Variants in C6 observed in about 807,000 individuals in gnomAD.
C6 encodes complement C6.
In C6, 101 loss-of-function variants were observed where a neutral mutation model predicts 112.9. The observed-to-expected ratio is 0.89, with a 90% CI of 0.76 to 1.06. C6 has a LOEUF of 1.06. C6 is among the 50% of genes least tolerant of loss of function. C6 has a pLI of 0.00. For missense variants in C6, 1,202 were observed against 1,104.6 expected, an observed-to-expected ratio of 1.09 and a Z score of -1.25; for synonymous variants, 431 against 384.1, an observed-to-expected ratio of 1.12 and a Z score of -1.43.
chr5:41,218,755 G>A (rs1453941378), intron 1 of C6, among the ~76,000 whole-genome samples: 1 of 152,108 alleles, frequency 6.6e-6, no homozygotes, highest in Non-Finnish European at 1.5e-5. Flanking sequence ...TTTAAACACA[G>A]TGTGAAGCTT....
rs758224260 is a variant in C6, at chr5:41,195,854, C to T, written c.525G>A (p.Arg175=). The change falls in exon 5 of 18, where the codon AGG becomes AGA. Residue 175 remains arginine (R), a synonymous_variant. Coordinates refer to ENST00000337836, the MANE Select transcript of C6 (RefSeq NM_000065.5). ...ACTTCCGTGTGCATACTGCCTTTGT[C>T]CTCCCACAGTCCCTTTCATCTGAAT... is the stretch of plus-strand genomic sequence containing the variant. ...GDNSDERDCG[R]TKAVCTRKYN... 6.2e-7 allele frequency: 1 copy of T among 1,614,024 alleles called. No individual in the cohort carries two copies. Among genetic ancestry groups the T allele is most frequent in the Admixed American group, 1.7e-5 (1 of 60,012 alleles).
intron 17 of C6, among the ~76,000 whole-genome samples, chr5:41,143,781 C>T (rs1580008838): frequency 6.6e-6 from 1 of 152,108 alleles, no homozygotes; most frequent in Admixed American, 6.6e-5. Context: ...TTGGGTTATG[C>T]CTGGGGATCT....
intron 11 of C6, 44 bp downstream of exon 11, chr5:41,160,098 G>A (rs767855630): frequency 6.8e-7 from 1 of 1,470,902 alleles, no homozygotes; most frequent in Non-Finnish European, 9.5e-7. Flanking sequence ...ATACTCTTTG[G>A]AGGGGAAAAC....
chr5:41,210,231 G>T (rs1156599415), intron 1 of C6, among the ~76,000 whole-genome samples: 1 of 152,192 alleles, frequency 6.6e-6, no homozygotes, highest in Non-Finnish European at 1.5e-5. Context: ...ATGGATTAAA[G>T]ACTTAAATGC....
At position 41,188,602 on chromosome 5, in the gene C6, T is replaced by A. The variant is rs79405489; in HGVS notation, c.588-2394A>T. On this transcript the variant is annotated intron_variant, in intron 5 of 17. Coordinates refer to ENST00000337836, the MANE Select transcript of C6 (RefSeq NM_000065.5). ...AATGAAATTGGGCCCCTTTCTCACA[T>A]AATGCAAAAAAATTAATCAAAATAG... Among the ~76,000 whole-genome samples, 274 of 152,118 alleles carry A rather than the reference T, an allele frequency of 1.8e-3. 8 individuals are homozygous for A. In the East Asian group the frequency reaches 0.051, roughly 28 times the overall value.
chr5:41,154,069 C>G, intron 14 of C6, 71 bp from the exon 15 acceptor site: 1 of 1,355,170 alleles, frequency 7.4e-7, no homozygotes, highest in Non-Finnish European at 1.1e-6. Flanking sequence ...AAATTTTGTG[C>G]AACCAAAGAG....
At chr5:41,240,379 C>T (rs1017220039) in intron 1 of C6, among the ~76,000 whole-genome samples, 4 of 152,090 alleles carry the variant, frequency 2.6e-5, no homozygotes, top group African/African-American at 9.7e-5. Context: ...AGGTGGCTTT[C>T]TTGGGTGCCA....
rs1747236029 is a variant in C6 at position 41,159,232 on chromosome 5, C to G, written c.1706G>C (p.Gly569Ala). 1.9e-6 allele frequency: 3 copies of G among 1,613,288 alleles called. No homozygotes were observed. Among genetic ancestry groups the G allele is most frequent in the Non-Finnish European group, 1.7e-6 (2 of 1,179,604 alleles). ...ACAGGTACTCCAGGAAGACCAACAA[C>G]CCCACTGTCCGTCTACTGCATCTGG... ...YKSNAVDGQW[G>A]CWSSWSTCDA... Residue 569 changes from glycine to alanine, a missense_variant, in exon 12 of 18, where the codon GGT becomes GCT. Transcript: ENST00000337836.
chr5:41,199,040 C>T (rs1371877495), intron 4 of C6, among the ~76,000 whole-genome samples: 3 of 152,118 alleles, frequency 2.0e-5, no homozygotes, highest in Admixed American at 6.6e-5. Flanking sequence ...AACCCTGACC[C>T]CAGCATTCCT....
chr5:41,260,270 A>T (rs1741964610), intron 1 of C6, among the ~76,000 whole-genome samples: 1 of 151,240 alleles, frequency 6.6e-6, no homozygotes, highest in East Asian at 1.9e-4. Flanking sequence ...CAAACACACC[A>T]CACACACACA....
intron 1 of C6, among the ~76,000 whole-genome samples, chr5:41,251,866 A>G (rs1447012893): frequency 1.3e-5 from 2 of 152,178 alleles, no homozygotes; most frequent in East Asian, 3.9e-4. Flanking sequence ...ATCTGTGGTT[A>G]GAAACATGAA....
At chr5:41,219,417 C>T (rs543491715) in intron 1 of C6, among the ~76,000 whole-genome samples, 12 of 152,036 alleles carry the variant, frequency 7.9e-5, no homozygotes, top group Admixed American at 2.0e-4. Context: ...CTGTATTGAG[C>T]GCCCTTTGTT....
intron 5 of C6, among the ~76,000 whole-genome samples, chr5:41,191,241 A>G (rs879290497): frequency 6.6e-6 from 1 of 151,356 alleles, no homozygotes; most frequent in African/African-American, 2.4e-5. Flanking sequence ...TAATTTTTGT[A>G]TTTTTAGTAG....
intron 1 of C6, among the ~76,000 whole-genome samples, chr5:41,224,153 A>G (rs1001651494): frequency 6.6e-6 from 1 of 152,150 alleles, no homozygotes; most frequent in East Asian, 1.9e-4. Context: ...CATATCTATT[A>G]CCTCACATAC....
rs773270656 is a variant in C6 at position 41,199,834 on chromosome 5, A to G, written c.379T>C (p.Cys127Arg). ...CTAPLVAFQP[C>R]IPSKLCKIEE... is the part of the protein sequence containing the mutation. ...ATTTTGCAGAGCTTAGATGGAATGC[A>G]TGGTTGAAAGGCTACCAGAGGCGCA... The change falls in exon 4 of 18, where the codon TGC (cysteine) becomes CGC (arginine). Residue 127 changes from cysteine to arginine, a missense_variant. By Grantham distance (180) the Cys-to-Arg change is radical. Coordinates refer to ENST00000337836, the MANE Select transcript of C6 (RefSeq NM_000065.5). 7 of 1,613,678 alleles carry G rather than the reference A, an allele frequency of 4.3e-6. No homozygotes were observed. Among genetic ancestry groups the G allele is most frequent in the Admixed American group, 1.7e-5 (1 of 59,970 alleles).
At chr5:41,178,917 G>A (rs113259257) in intron 7 of C6, among the ~76,000 whole-genome samples, 2,257 of 150,984 alleles carry the variant, frequency 0.015, 58 homozygotes, top group African/African-American at 0.052. Flanking sequence ...ACAGTGGTGC[G>A]ATCTCCGCTC....
upstream of C6, among the ~76,000 whole-genome samples, chr5:41,215,517 A>G (rs1250435527): frequency 6.6e-6 from 1 of 152,176 alleles, no homozygotes. Context: ...AAAGTCTGCT[A>G]TGAAGTTTAC....
chr5:41,161,553 G>C, intron 10 of C6, 140 bp downstream of exon 10: 1 of 738,582 alleles, frequency 1.4e-6, no homozygotes, highest in Non-Finnish European at 2.4e-6. Context: ...TTTAAAAAAA[G>C]GTACATTGTG....
At chr5:41,210,099 A>G (rs1751775854) in intron 1 of C6, among the ~76,000 whole-genome samples, 3 of 152,236 alleles carry the variant, frequency 2.0e-5, no homozygotes, top group Admixed American at 2.0e-4. Flanking sequence ...CAAATCTGAC[A>G]AAAACAAGCA....
Sources: allele counts gnomAD v4.1 joint callset (sites outside exome capture counted in the v4.1 genomes callset), GRCh38; gene constraint gnomAD v4.1.1; transcripts MANE v1.5; gene names NCBI Gene and HGNC (gene_info 2026-07-23, HGNC 2026-07-21).